The following WDFY2 variants were observed in gnomAD, a reference collection of about 807,000 sequenced individuals.
The protein encoded by WDFY2 is WD repeat and FYVE domain containing 2, also known as WD repeat and FYVE domain-containing protein 2.
In WDFY2, 36 loss-of-function variants were observed where a neutral mutation model predicts 56.4. The observed-to-expected ratio is 0.64, with a 90% CI of 0.49 to 0.84. The LOEUF (loss-of-function observed/expected upper bound fraction) is 0.84. WDFY2 is among the 40% of genes least tolerant of loss of function. The probability of loss-of-function intolerance (pLI) is 0.00; values close to 1 mark genes in which losing one functional copy is unlikely to be tolerated. For missense variants in WDFY2, 444 were observed against 512.2 expected, an observed-to-expected ratio of 0.87 and a Z score of 1.29; for synonymous variants, 176 against 183.7, an observed-to-expected ratio of 0.96 and a Z score of 0.34.
intron 1 of WDFY2, among the ~76,000 whole-genome samples, chr13:51,655,531 A>T (rs1358918736): frequency 5.3e-5 from 8 of 152,044 alleles, no homozygotes; most frequent in Admixed American, 5.2e-4. Flanking sequence ...CATTCCTGGG[A>T]TAAATCACAC....
intron 1 of WDFY2, among the ~76,000 whole-genome samples, chr13:51,647,255 TG>T (rs1955279655): frequency 6.6e-6 from 1 of 152,198 alleles, no homozygotes; most frequent in African/African-American, 2.4e-5. Flanking sequence ...GTTTAGTCAT[TG>T]TGTGATTGCC....
At chr13:51,644,145 A>G (rs555565421) in intron 1 of WDFY2, among the ~76,000 whole-genome samples, 1 of 152,332 alleles carries the variant, frequency 6.6e-6, no homozygotes, top group South Asian at 2.1e-4. Flanking sequence ...ACCCACAACT[A>G]TGCAAGGACA....
intron 1 of WDFY2, chr13:51,586,023 A>G (rs1953930626): frequency 2.5e-6 from 1 of 398,594 alleles, no homozygotes; most frequent in Non-Finnish European, 4.4e-6. Context: ...TTTCCTGTGC[A>G]GATCCAATGG....
rs544634436 is a variant in WDFY2 at position 51,634,654 on chromosome 13, T to C, written c.138-25942T>C. Among the ~76,000 whole-genome samples, 3 of 151,970 alleles carry C rather than the reference T, an allele frequency of 2.0e-5. No homozygotes were observed. The South Asian group carries it at 6.2e-4, about 32-fold the overall frequency. On this transcript the variant is annotated intron_variant, in intron 1 of 11. Transcript: ENST00000298125. The stretch of plus-strand genomic sequence containing the variant: ...GCAAAACCCCGTCTCTACTAAAAAA[T>C]GCAAAAATTAGCCAGGTGTGGTGGT...
At chr13:51,648,084 C>T (rs1955294350) in intron 1 of WDFY2, among the ~76,000 whole-genome samples, 2 of 152,122 alleles carry the variant, frequency 1.3e-5, no homozygotes, top group East Asian at 1.9e-4. Context: ...TCCCTGAGGT[C>T]GCACTTGTCC....
At chr13:51,669,999 ACTCAC>A (rs1328194364) in intron 2 of WDFY2, among the ~76,000 whole-genome samples, 2 of 152,042 alleles carry the variant, frequency 1.3e-5, no homozygotes, top group Non-Finnish European at 2.9e-5. Context: ...CAGGCACTTC[ACTCAC>A]CCTTTGGAGA....
intron 2 of WDFY2, among the ~76,000 whole-genome samples, chr13:51,672,412 GT>G (rs2138494706): frequency 1.3e-5 from 2 of 152,240 alleles, no homozygotes; most frequent in Admixed American, 6.5e-5. Flanking sequence ...CTGTATGCCT[GT>G]TTTTATAACA....
intron 1 of WDFY2, among the ~76,000 whole-genome samples, chr13:51,645,013 C>G (rs1285845202): frequency 6.6e-6 from 1 of 152,166 alleles, no homozygotes; most frequent in Non-Finnish European, 1.5e-5. Context: ...TGCTGGGAAC[C>G]TCTCAGTTTG....
chr13:51,741,384 C>G (rs1197849899), intron 7 of WDFY2, among the ~76,000 whole-genome samples: 3 of 152,226 alleles, frequency 2.0e-5, no homozygotes, highest in African/African-American at 7.2e-5. Context: ...AGGGGTTGCT[C>G]TGGTATCACA....
chr13:51,614,211 G>A (rs942204540), intron 1 of WDFY2, among the ~76,000 whole-genome samples: 104 of 140,706 alleles, frequency 7.4e-4, no homozygotes, highest in Non-Finnish European at 1.3e-3. Flanking sequence ...AAAAAAAAAA[G>A]TGTATCTGTG....
intron 2 of WDFY2, among the ~76,000 whole-genome samples, chr13:51,668,216 A>G (rs563710694): frequency 6.6e-6 from 1 of 152,238 alleles, no homozygotes; most frequent in Admixed American, 6.5e-5. Flanking sequence ...AAGCTAATGG[A>G]AATCCAAACT....
At chr13:51,707,236 T>C (rs1401397051) in intron 4 of WDFY2, among the ~76,000 whole-genome samples, 2 of 152,206 alleles carry the variant, frequency 1.3e-5, no homozygotes, top group East Asian at 3.8e-4. Flanking sequence ...CTCAACTCAC[T>C]GCAACCTCTG....
intron 10 of WDFY2, among the ~76,000 whole-genome samples, chr13:51,757,941 T>C (rs1953450851): frequency 1.3e-5 from 2 of 152,114 alleles, no homozygotes; most frequent in African/African-American, 4.8e-5. Flanking sequence ...ACAGACACCA[T>C]TGGAGCAACA....
At chr13:51,605,504 G>A (rs1471587888) in intron 1 of WDFY2, among the ~76,000 whole-genome samples, 1 of 152,208 alleles carries the variant, frequency 6.6e-6, no homozygotes, top group African/African-American at 2.4e-5. Flanking sequence ...AAAGGTGAAA[G>A]TTCAATAGAG....
In WDFY2 at chr13:51,751,313, C is replaced by T. The variant is rs1953230396; in HGVS notation, c.729C>T (p.Asp243=). 6.2e-7 allele frequency: 1 copy of T among 1,612,394 alleles called. No individual in the cohort carries two copies. The highest frequency in any genetic ancestry group is 1.3e-5 in the African/African-American group (1 of 74,782). The change falls in exon 8 of 12, where the codon GAC becomes GAT. Residue 243 remains aspartate (D), a synonymous_variant. Transcript: ENST00000298125. ...GTAIELQGHN[D]RVQALSYAQH... ...TAACCCTTGGTTTCTTTCACAGCGACAGAGTCCAGGCCCTCTCCTATGCAC... is the reference window on the plus strand; with the variant it reads ...TAACCCTTGGTTTCTTTCACAGCGATAGAGTCCAGGCCCTCTCCTATGCAC...
chr13:51,616,349 G>A (rs529653659), intron 1 of WDFY2, among the ~76,000 whole-genome samples: 2 of 152,246 alleles, frequency 1.3e-5, no homozygotes, highest in South Asian at 2.1e-4. Context: ...ATGATATGGC[G>A]GGGAGAAAGT....
At chr13:51,594,185 C>T in intron 1 of WDFY2, 1 of 152,184 alleles carries the variant, frequency 6.6e-6, no homozygotes, top group Non-Finnish European at 1.5e-5. Context: ...TACTGAATAA[C>T]TGGGACTACA....
intron 1 of WDFY2, among the ~76,000 whole-genome samples, chr13:51,638,756 C>T (rs1364577045): frequency 1.3e-5 from 2 of 152,114 alleles, no homozygotes; most frequent in Admixed American, 6.5e-5. Context: ...TTTATTTTTG[C>T]AGGGCTTAAC....
At chr13:51,708,774 G>A (rs1051006236) in intron 4 of WDFY2, among the ~76,000 whole-genome samples, 2 of 152,114 alleles carry the variant, frequency 1.3e-5, no homozygotes, top group Non-Finnish European at 2.9e-5. Flanking sequence ...TAAGAAGTGT[G>A]TTTTACATAT....
Sources: allele counts gnomAD v4.1 joint callset (sites outside exome capture counted in the v4.1 genomes callset), GRCh38; gene constraint gnomAD v4.1.1; transcripts MANE v1.5; gene names NCBI Gene and HGNC (gene_info 2026-07-23, HGNC 2026-07-21).